Variants in SNX33 observed in about 807,000 individuals in gnomAD.
SNX33 encodes the protein sorting nexin 33.
In SNX33, 19 loss-of-function variants were observed where a neutral mutation model predicts 38.8. The observed-to-expected ratio is 0.49, with a 90% CI of 0.34 to 0.72. SNX33 has a LOEUF of 0.72. Among genes scored for constraint, SNX33 ranks in the 30% least tolerant of loss-of-function variants. SNX33 has a pLI of 0.01. For synonymous variants in SNX33, 246 were observed against 289.7 expected (o/e 0.85, Z 1.53); for missense variants, 641 against 776.4 (o/e 0.83, Z 2.07).
Position 75,649,545 on chromosome 15 carries a change from C to T in SNX33, c.443C>T (p.Pro148Leu). The change falls in exon 1 of 2, where the codon CCT (proline) becomes CTT (leucine). Residue 148 changes from proline to leucine, a missense_variant. By Grantham distance (98) the Pro-to-Leu change is moderately conservative. Around this residue, in one of 2 missense-constraint regions of SNX33, gnomAD observed 243 missense variants for 233.9 expected, o/e 1.04. Transcript: ENST00000308527. This position sits in a 1 kb window ranked among gnomAD's most constrained non-coding sequence, Gnocchi z 6.6. ...NGHPPLNLSY[P>L]GAYPSQHMAF... Reference sequence around the variant, plus strand: ...CACCCTCCCCTCAACCTCTCCTACCCTGGTGCCTACCCCAGCCAGCACATG... The same window carrying T: ...CACCCTCCCCTCAACCTCTCCTACCTTGGTGCCTACCCCAGCCAGCACATG... The T allele has an allele frequency of 6.2e-7, 1 of 1,612,352 alleles. No homozygotes were observed. The highest frequency in any genetic ancestry group is 1.1e-5 in the South Asian group (1 of 90,850).
Position 75,649,520 on chromosome 15 carries a change from C to A in SNX33, c.418C>A (p.His140Asn). The change falls in exon 1 of 2, where the codon CAC becomes AAC. Residue 140 changes from histidine to asparagine, a missense_variant. By Grantham distance (68) the His-to-Asn change is moderately conservative (BLOSUM62 1). Coordinates refer to ENST00000308527, the MANE Select transcript of SNX33 (RefSeq NM_153271.2). The surrounding 1 kb of genome is among the most constrained non-coding windows in gnomAD (Gnocchi z 6.6). Reference sequence around the variant, plus strand: ...GGCTGGTGGGCTGGGCACCAACGGGCACCCTCCCCTCAACCTCTCCTACCC... The same window carrying A: ...GGCTGGTGGGCTGGGCACCAACGGGAACCCTCCCCTCAACCTCTCCTACCC... Reference protein sequence around the residue: ...PRAGGLGTNGHPPLNLSYPGA... With the variant: ...PRAGGLGTNGNPPLNLSYPGA... The A allele has an allele frequency of 1.3e-5, 21 of 1,584,906 alleles. No homozygotes were observed. Among genetic ancestry groups the A allele is most frequent in the Non-Finnish European group, 1.8e-5 (21 of 1,162,450 alleles).
intron 1 of SNX33, among the ~76,000 whole-genome samples, chr15:75,652,378 T>A (rs1027402947): frequency 5.9e-5 from 9 of 152,214 alleles, no homozygotes; most frequent in African/African-American, 2.2e-4. Flanking sequence ...TTCAACCAGC[T>A]CCTTAGATGG....
At position 75,659,618 on chromosome 15, in the gene SNX33, A is replaced by C. The variant is rs4243036; in HGVS notation, c.*2403A>C. 6.6e-6 allele frequency: 1 copy of C among 152,612 alleles called. No homozygotes were observed. Among genetic ancestry groups the C allele is most frequent in the Admixed American group, 6.5e-5 (1 of 15,276 alleles). 9.5% of individuals were successfully genotyped at this position (152,612 alleles called of 1,614,324 possible). A position where few individuals can be genotyped will look rare whatever the true frequency, so the allele number is the denominator to read the frequency against. On this transcript the variant is annotated 3_prime_UTR_variant, in exon 2 of 2. Transcript: ENST00000308527. ...GAGCAGTGGGGGCTGGGCCAGGCCG[A>C]GGCAGGGCTGGTGGGAATGCTCCTC...
In SNX33 at chr15:75,647,939, G is replaced by C. The variant is rs1479434052; in HGVS notation, c.-1164G>C. On this transcript the variant is annotated 5_prime_UTR_variant, in exon 1 of 2. Transcript: ENST00000308527. ...CTTTTTGTTTTGGAGCTGCCTTCTC[G>C]CTGGCGGAGCGGAGGGTCTGCGAGC... is the stretch of plus-strand genomic sequence containing the variant. The C allele has an allele frequency of 1.0e-6, 1 of 985,260 alleles. No homozygotes were observed. The highest frequency in any genetic ancestry group is 1.1e-4 in the East Asian group (1 of 8,794). 61.0% of individuals were successfully genotyped at this position (985,260 alleles called of 1,614,324 possible). A position where few individuals can be genotyped will look rare whatever the true frequency, so the allele number is the denominator to read the frequency against.
chr15:75,648,024 G>C lies in SNX33; in HGVS notation c.-1079G>C, dbSNP rs1654278561. 1 of 985,500 alleles carries C rather than the reference G, an allele frequency of 1.0e-6. No homozygotes were observed. The allele number at this position is 985,500 out of a possible 1,614,324, so 61.0% of individuals were successfully genotyped here. A position where few individuals can be genotyped will look rare whatever the true frequency, so the allele number is the denominator to read the frequency against. On this transcript the variant is annotated 5_prime_UTR_variant, in exon 1 of 2. Transcript: ENST00000308527. This position sits in a 1 kb window ranked among gnomAD's most constrained non-coding sequence, Gnocchi z 4.4. ...CCCACTGGCCGGGCCCCGCAGGGCG[G>C]AGAGGAGGACGGACGGACAGACGGC...
rs534390526 is a variant in SNX33 at position 75,652,549 on chromosome 15, C to G, written c.1471+1976C>G. Reference sequence around the variant, plus strand: ...CTCCCAGGCTGGGGGGAAGCCAGACCAGCCTTTCTGACCCTGGGCAGAGAG... The same window carrying G: ...CTCCCAGGCTGGGGGGAAGCCAGACGAGCCTTTCTGACCCTGGGCAGAGAG... On this transcript the variant is annotated intron_variant, in intron 1 of 1. Coordinates refer to ENST00000308527, the MANE Select transcript of SNX33 (RefSeq NM_153271.2). Among the ~76,000 whole-genome samples, 3 of 152,338 alleles carry G rather than the reference C, an allele frequency of 2.0e-5. No homozygotes were observed. In the South Asian group the frequency reaches 6.2e-4, roughly 32 times the overall value.
chr15:75,660,343 C>T lies in SNX33; in HGVS notation c.*3128C>T, dbSNP rs555715364. The T allele has an allele frequency of 1.3e-5, 2 of 152,350 alleles. No homozygotes were observed. The highest frequency in any genetic ancestry group is 4.1e-4 in the South Asian group (2 of 4,828). 9.4% of individuals were successfully genotyped at this position (152,350 alleles called of 1,614,324 possible). On this transcript the variant is annotated 3_prime_UTR_variant, in exon 2 of 2. Transcript: ENST00000308527. ...ATGAACCACTGTGCCGTGGCTGCAC[C>T]ACTGGCTGGAGCAGAGCCAGGCCTG...
rs926195010 is a variant in SNX33 at position 75,660,623 on chromosome 15, A to G, written c.*3408A>G. 1.0e-4 allele frequency: 16 copies of G among 153,016 alleles called. No homozygotes were observed. The highest frequency in any genetic ancestry group is 3.6e-4 in the African/African-American group (15 of 41,550). 9.5% of individuals were successfully genotyped at this position (153,016 alleles called of 1,614,324 possible). A position where few individuals can be genotyped will look rare whatever the true frequency, so the allele number is the denominator to read the frequency against. On this transcript the variant is annotated 3_prime_UTR_variant, in exon 2 of 2. Transcript: ENST00000308527. ...CCACACATGCCTTGCCATCCATTCA[A>G]AGCACCAGTGGCTACTTTGTCAGAC...
Position 75,657,480 on chromosome 15 carries a change from G to A in SNX33, c.*265G>A, listed in dbSNP as rs564797292. The A allele has an allele frequency of 3.5e-6, 2 of 569,056 alleles. No individual in the cohort carries two copies. Among genetic ancestry groups the A allele is most frequent in the South Asian group, 2.1e-5 (1 of 48,252 alleles). The allele number at this position is 569,056 out of a possible 1,614,324, so 35.3% of individuals were successfully genotyped here. A position where few individuals can be genotyped will look rare whatever the true frequency, so the allele number is the denominator to read the frequency against. On this transcript the variant is annotated 3_prime_UTR_variant, in exon 2 of 2. Transcript: ENST00000308527. The surrounding 1 kb of genome is among the most constrained non-coding windows in gnomAD (Gnocchi z 5.5). Reference sequence around the variant, plus strand: ...CAAGGCCTGGGCTGCCGGTCAGTCAGTGAAGGTCAGGCCAGGGTCTCAGCC... The same window carrying A: ...CAAGGCCTGGGCTGCCGGTCAGTCAATGAAGGTCAGGCCAGGGTCTCAGCC...
intron 1 of SNX33, among the ~76,000 whole-genome samples, chr15:75,654,370 G>A (rs2141398953): frequency 6.6e-6 from 1 of 152,210 alleles, no homozygotes; most frequent in East Asian, 1.9e-4. Context: ...GCCCAGGCAA[G>A]AGCAGTGGCT....
In SNX33 at chr15:75,661,945, G is replaced by A. The variant is rs1430387536; in HGVS notation, c.*4730G>A. The A allele has an allele frequency of 6.6e-6, 1 of 152,214 alleles. No homozygotes were observed. Among genetic ancestry groups the A allele is most frequent in the Non-Finnish European group, 1.5e-5 (1 of 68,054 alleles). 9.4% of individuals were successfully genotyped at this position (152,214 alleles called of 1,614,324 possible). On this transcript the variant is annotated 3_prime_UTR_variant, in exon 2 of 2. Coordinates refer to ENST00000308527, the MANE Select transcript of SNX33 (RefSeq NM_153271.2). This position sits in a 1 kb window ranked among gnomAD's most constrained non-coding sequence, Gnocchi z 4.5. Reference sequence around the variant, plus strand: ...AGCCCTGAGGGATGAAGGGTCTGAAGATGGCACTGCACGGTGACAGCTGCA... The same window carrying A: ...AGCCCTGAGGGATGAAGGGTCTGAAAATGGCACTGCACGGTGACAGCTGCA...
In SNX33 at chr15:75,649,065, C is replaced by A. The variant is rs748087273; in HGVS notation, c.-38C>A. The A allele has an allele frequency of 3.2e-6, 5 of 1,545,094 alleles. No individual in the cohort carries two copies. The highest frequency in any genetic ancestry group is 4.4e-6 in the Non-Finnish European group (5 of 1,143,734). ...TGAGCATCCCCGGTCTGGGCAGGAC[C>A]CTCTCCTTCCCATCTTTCTATACCA... On this transcript the variant is annotated 5_prime_UTR_variant, in exon 1 of 2. Transcript: ENST00000308527. The surrounding 1 kb of genome is among the most constrained non-coding windows in gnomAD (Gnocchi z 6.6).
In SNX33 at chr15:75,648,968, C is replaced by A. The variant is rs1482805259; in HGVS notation, c.-135C>A. On this transcript the variant is annotated 5_prime_UTR_variant, in exon 1 of 2. Coordinates refer to ENST00000308527, the MANE Select transcript of SNX33 (RefSeq NM_153271.2). This position sits in a 1 kb window ranked among gnomAD's most constrained non-coding sequence, Gnocchi z 4.4. ...GGACAGCATCTGTGGGTGCTGAGAC[C>A]CCACCTTAGGACCTGAGAGATTGAA... The A allele has an allele frequency of 1.7e-6, 2 of 1,149,258 alleles. No individual in the cohort carries two copies. The highest frequency in any genetic ancestry group is 1.2e-6 in the Non-Finnish European group (1 of 835,730). The allele number at this position is 1,149,258 out of a possible 1,614,324, so 71.2% of individuals were successfully genotyped here.
Position 75,649,968 on chromosome 15 carries a change from T to C in SNX33, c.866T>C (p.Leu289Pro). The C allele has an allele frequency of 1.2e-6, 2 of 1,604,822 alleles. No homozygotes were observed. The highest frequency in any genetic ancestry group is 1.7e-6 in the Non-Finnish European group (2 of 1,175,862). Residue 289 changes from leucine to proline, a missense_variant, in exon 1 of 2, where the codon CTG becomes CCG. By Grantham distance (98) the Leu-to-Pro change is moderately conservative (BLOSUM62 -3). Around this residue, in one of 2 missense-constraint regions of SNX33, gnomAD observed 398 missense variants for 542.5 expected, o/e 0.73. Coordinates refer to ENST00000308527, the MANE Select transcript of SNX33 (RefSeq NM_153271.2). This position sits in a 1 kb window ranked among gnomAD's most constrained non-coding sequence, Gnocchi z 6.6. ...HKFTVISVPH[L>P]PEKQATGRFE... is the part of the protein sequence containing the mutation. ...TTCACTGTCATCTCGGTGCCCCACC[T>C]GCCTGAGAAGCAGGCCACTGGCCGC...
At chr15:75,651,129 A>G (rs1893574714) in intron 1 of SNX33, among the ~76,000 whole-genome samples, 1 of 152,122 alleles carries the variant, frequency 6.6e-6, no homozygotes, top group Non-Finnish European at 1.5e-5. Context: ...CCCTTGGGAG[A>G]CACAGACCCA....
chr15:75,649,050 C>T lies in SNX33; in HGVS notation c.-53C>T, dbSNP rs559501966. 3.7e-4 allele frequency: 564 copies of T among 1,523,802 alleles called. 1 individual carries two copies. Among genetic ancestry groups the T allele is most frequent in the Non-Finnish European group, 4.8e-4 (543 of 1,134,680 alleles). 94.4% of individuals were successfully genotyped at this position (1,523,802 alleles called of 1,614,324 possible). A position where few individuals can be genotyped will look rare whatever the true frequency, so the allele number is the denominator to read the frequency against. ...TCTTGGACTGCCTTGTGAGCATCCC[C>T]GGTCTGGGCAGGACCCTCTCCTTCC... is the stretch of plus-strand genomic sequence containing the variant. On this transcript the variant is annotated 5_prime_UTR_variant, in exon 1 of 2. Transcript: ENST00000308527. The surrounding 1 kb of genome is among the most constrained non-coding windows in gnomAD (Gnocchi z 6.6).
chr15:75,650,195 C>T lies in SNX33; in HGVS notation c.1093C>T (p.Pro365Ser). The T allele has an allele frequency of 6.3e-7, 1 of 1,599,046 alleles. No homozygotes were observed. The highest frequency in any genetic ancestry group is 8.5e-7 in the Non-Finnish European group (1 of 1,172,392). ...GASFLLTFQI[P>S]TEHQDLQDVE... is the part of the protein sequence containing the mutation. ...CAGCTTCCTGCTCACCTTCCAGATC[C>T]CCACCGAGCACCAGGACTTGCAGGA... is the stretch of plus-strand genomic sequence containing the variant. Residue 365 changes from proline to serine, a missense_variant, in exon 1 of 2, where the codon CCC becomes TCC. Pro to Ser is a moderately conservative substitution (Grantham distance 74). Around this residue, in one of 2 missense-constraint regions of SNX33, gnomAD observed 398 missense variants for 542.5 expected, o/e 0.73. Coordinates refer to ENST00000308527, the MANE Select transcript of SNX33 (RefSeq NM_153271.2). This position sits in a 1 kb window ranked among gnomAD's most constrained non-coding sequence, Gnocchi z 6.1.
rs1454947588 is a variant in SNX33 at position 75,662,000 on chromosome 15, CAT to C, written c.*4786_*4787del. On this transcript the variant is annotated 3_prime_UTR_variant, in exon 2 of 2. Transcript: ENST00000308527. The surrounding 1 kb of genome is among the most constrained non-coding windows in gnomAD (Gnocchi z 4.5). ...CTCAGGAGCTCCGTTTACAAAGGAA[CAT>C]GAGTGAGGAACATAACTTAATTTTT... 6.6e-6 allele frequency: 1 copy of C among 152,200 alleles called. No homozygotes were observed. The highest frequency in any genetic ancestry group is 1.5e-5 in the Non-Finnish European group (1 of 68,050). 9.4% of individuals were successfully genotyped at this position (152,200 alleles called of 1,614,324 possible). A position where few individuals can be genotyped will look rare whatever the true frequency, so the allele number is the denominator to read the frequency against.
Position 75,650,027 on chromosome 15 carries a change from A to C in SNX33, c.925A>C (p.Arg309=). 6.2e-7 allele frequency: 1 copy of C among 1,604,558 alleles called. No homozygotes were observed. Among genetic ancestry groups the C allele is most frequent in the Non-Finnish European group, 8.5e-7 (1 of 1,175,688 alleles). The change falls in exon 1 of 2, where the codon AGA becomes CGA. Residue 309 remains arginine, a synonymous_variant. Coordinates refer to ENST00000308527, the MANE Select transcript of SNX33 (RefSeq NM_153271.2). The surrounding 1 kb of genome is among the most constrained non-coding windows in gnomAD (Gnocchi z 6.1). The part of the protein sequence containing the change: ...EEDFIEKRKR[R]LILWMDHMTS... ...GGACTTCATCGAAAAGCGGAAGCGG[A>C]GACTCATCCTCTGGATGGACCACAT...
Sources: gnomAD v4.1 joint callset for allele counts (sites outside exome capture counted in the v4.1 genomes callset) on GRCh38, gnomAD v4.1.1 for gene constraint, gnomAD v4.1.1 regional missense constraint, Gnocchi (gnomAD v3.1) non-coding constraint, MANE v1.5 for transcripts, NCBI Gene and HGNC (gene_info 2026-07-23, HGNC 2026-07-21) for gene names.